Variants in UBE2H observed in about 807,000 individuals in gnomAD.
The protein encoded by UBE2H is ubiquitin conjugating enzyme E2 H, also known as ubiquitin-conjugating enzyme E2 H.
Under a neutral mutation model 29.0 loss-of-function variants are expected in UBE2H, and 3 were observed. The observed-to-expected ratio is 0.10, with a 90% CI of 0.05 to 0.27. The LOEUF (loss-of-function observed/expected upper bound fraction) is 0.27, where lower values mean the gene tolerates loss of function less well. Among genes scored for constraint, UBE2H ranks in the 10% least tolerant of loss-of-function variants. The pLI, the probability that UBE2H is intolerant of heterozygous loss-of-function variation, is 1.00. For missense variants in UBE2H, 68 were observed against 228.2 expected (o/e 0.30, Z 4.52); for synonymous variants, 69 against 82.9 (o/e 0.83, Z 0.91).
chr7:129,906,308 G>A (rs761270520), intron 1 of UBE2H, among the ~76,000 whole-genome samples: 3 of 151,644 alleles, frequency 2.0e-5, no homozygotes, highest in South Asian at 2.1e-4. Context: ...CGGTTCAAGC[G>A]ATTCTTGTGC....
chr7:129,911,089 G>T (rs756490479), intron 1 of UBE2H, among the ~76,000 whole-genome samples: 1 of 151,114 alleles, frequency 6.6e-6, no homozygotes, highest in African/African-American at 2.4e-5. Flanking sequence ...AACAGGTCAG[G>T]CATGGTGACT....
chr7:129,855,637 G>C (rs1805690938), intron 5 of UBE2H, among the ~76,000 whole-genome samples: 1 of 152,192 alleles, frequency 6.6e-6, no homozygotes, highest in Non-Finnish European at 1.5e-5. Flanking sequence ...TGTGTATAGA[G>C]AGAGAGAGAC....
At chr7:129,892,195 C>T (rs1262822145) in intron 1 of UBE2H, among the ~76,000 whole-genome samples, 1 of 151,926 alleles carries the variant, frequency 6.6e-6, no homozygotes, top group Non-Finnish European at 1.5e-5. Context: ...GTGATCCGCC[C>T]GCCTCGGCCT....
intron 1 of UBE2H, among the ~76,000 whole-genome samples, chr7:129,944,751 C>CACACAT (rs57052885): frequency 8.0e-6 from 1 of 125,568 alleles, no homozygotes; most frequent in Non-Finnish European, 1.7e-5. Flanking sequence ...CACACACACA[C>CACACAT]GCACGCACGC....
intron 3 of UBE2H, among the ~76,000 whole-genome samples, chr7:129,870,148 A>C (rs1031827902): frequency 1.3e-5 from 2 of 151,480 alleles, no homozygotes; most frequent in Non-Finnish European, 2.9e-5. Context: ...GCTTGCACAC[A>C]TGTTCCCCTC....
intron 3 of UBE2H, among the ~76,000 whole-genome samples, chr7:129,878,666 GAGTGAGACTCCGTCTC>G (rs1166685601): frequency 3.6e-5 from 4 of 112,082 alleles, no homozygotes; most frequent in Non-Finnish European, 6.6e-5. Flanking sequence ...CTGGGCGACA[GAGTGAGACTCCGTCTC>G]AAAAAAAAAA....
chr7:129,838,786 G>A (rs894823174), intron 6 of UBE2H, among the ~76,000 whole-genome samples: 2 of 152,012 alleles, frequency 1.3e-5, no homozygotes, highest in African/African-American at 4.8e-5. Context: ...CTACAGGCGC[G>A]TGCCACCACA....
At chr7:129,924,797 C>G (rs7783328) in intron 1 of UBE2H, among the ~76,000 whole-genome samples, 38,532 of 151,696 alleles carry the variant, frequency 0.25, 5,118 homozygotes, top group African/African-American at 0.31. Context: ...GTCTCTGAGC[C>G]GCACAGAGCC....
intron 1 of UBE2H, among the ~76,000 whole-genome samples, chr7:129,900,092 T>C (rs1806679096): frequency 1.3e-5 from 2 of 150,454 alleles, no homozygotes; most frequent in Non-Finnish European, 2.9e-5. Context: ...ATCACATCAC[T>C]GCACTCCAGC....
At chr7:129,932,520 C>G (rs1437148206) in intron 1 of UBE2H, among the ~76,000 whole-genome samples, 1 of 151,756 alleles carries the variant, frequency 6.6e-6, no homozygotes, top group African/African-American at 2.4e-5. Context: ...ACAGATCTTC[C>G]AAATGTTGAC....
chr7:129,929,665 G>A (rs970267454), intron 1 of UBE2H, among the ~76,000 whole-genome samples: 2 of 152,214 alleles, frequency 1.3e-5, no homozygotes, highest in African/African-American at 2.4e-5. Context: ...TTAGCTAAAT[G>A]TGTATTTACA....
At chr7:129,905,404 A>G (rs1806795761) in intron 1 of UBE2H, among the ~76,000 whole-genome samples, 1 of 152,134 alleles carries the variant, frequency 6.6e-6, no homozygotes, top group Admixed American at 6.5e-5. Flanking sequence ...CAATGATAGT[A>G]TGGGATCCCA....
At chr7:129,853,149 G>A (rs1805641202) in intron 5 of UBE2H, among the ~76,000 whole-genome samples, 2 of 152,214 alleles carry the variant, frequency 1.3e-5, no homozygotes, top group African/African-American at 4.8e-5. Context: ...TGGGATGAGA[G>A]AGAGATTAAA....
At chr7:129,877,190 C>G (rs1224428602) in intron 3 of UBE2H, among the ~76,000 whole-genome samples, 1 of 152,084 alleles carries the variant, frequency 6.6e-6, no homozygotes, top group Non-Finnish European at 1.5e-5. Context: ...CTGCAAAATT[C>G]CAAGAGCCAA....
At chr7:129,894,852 T>C (rs370649542) in intron 1 of UBE2H, among the ~76,000 whole-genome samples, 5 of 152,172 alleles carry the variant, frequency 3.3e-5, no homozygotes, top group African/African-American at 7.2e-5. Context: ...TATGGAAAGA[T>C]TGACACTCAC....
intron 6 of UBE2H, among the ~76,000 whole-genome samples, chr7:129,835,600 T>C (rs1352959748): frequency 6.6e-6 from 1 of 152,182 alleles, no homozygotes; most frequent in Non-Finnish European, 1.5e-5. Flanking sequence ...TAAGCTGCTA[T>C]ACGGAGACAC....
At chr7:129,937,058 G>C (rs1299573240) in intron 1 of UBE2H, among the ~76,000 whole-genome samples, 1 of 151,898 alleles carries the variant, frequency 6.6e-6, no homozygotes, top group African/African-American at 2.4e-5. Flanking sequence ...CAGGTGTGGT[G>C]GTGGCTCGCG....
At chr7:129,936,256 T>C (rs994798023) in intron 1 of UBE2H, among the ~76,000 whole-genome samples, 4 of 152,138 alleles carry the variant, frequency 2.6e-5, no homozygotes, top group Non-Finnish European at 4.4e-5. Context: ...ATATGCCCAA[T>C]TTAAAAGCAC....
chr7:129,915,482 C>T (rs941794043), intron 1 of UBE2H, among the ~76,000 whole-genome samples: 8 of 152,034 alleles, frequency 5.3e-5, no homozygotes, highest in South Asian at 2.1e-4. Flanking sequence ...TGCAGTGAGC[C>T]GAGATTGCGC....
Sources: allele counts gnomAD v4.1 joint callset (sites outside exome capture counted in the v4.1 genomes callset), GRCh38; gene constraint gnomAD v4.1.1; transcripts MANE v1.5; gene names NCBI Gene and HGNC (gene_info 2026-07-23, HGNC 2026-07-21).